The following AGPAT3 variants were observed in gnomAD, a reference collection of about 807,000 sequenced individuals.
The protein encoded by AGPAT3 is 1-acylglycerol-3-phosphate O-acyltransferase 3.
AGPAT3 carries 5 observed loss-of-function variants against 47.3 expected under a neutral mutation model. That is an observed-to-expected ratio of 0.11 (90% CI 0.06 to 0.22). AGPAT3 has a LOEUF of 0.22. AGPAT3 is among the 10% of genes least tolerant of loss of function. The probability of loss-of-function intolerance (pLI) is 1.00; values close to 1 mark genes in which losing one functional copy is unlikely to be tolerated. For missense variants in AGPAT3, 315 were observed against 493.0 expected (o/e 0.64, Z 3.42); for synonymous variants, 212 against 208.3 (o/e 1.02, Z -0.15).
intron 1 of AGPAT3, among the ~76,000 whole-genome samples, chr21:43,872,566 C>T (rs1363406470): frequency 6.6e-6 from 1 of 152,238 alleles, no homozygotes; most frequent in African/African-American, 2.4e-5. Context: ...ATTGATTTAA[C>T]AGCTGATCAC....
intron 2 of AGPAT3, among the ~76,000 whole-genome samples, chr21:43,936,309 C>A (rs1204163989): frequency 6.6e-6 from 1 of 152,250 alleles, no homozygotes; most frequent in African/African-American, 2.4e-5. Flanking sequence ...CTCAGCCTCC[C>A]CTAGCAGTGG....
chr21:43,914,927 A>G (rs1207517855), intron 2 of AGPAT3, among the ~76,000 whole-genome samples: 2 of 152,302 alleles, frequency 1.3e-5, no homozygotes, highest in East Asian at 1.9e-4. Flanking sequence ...TATCTTTTCC[A>G]TGGCCACACT....
chr21:43,981,441 G>A lies in AGPAT3; in HGVS notation c.1042+254G>A, dbSNP rs1400611976. On this transcript the variant is annotated intron_variant, in intron 9 of 9. Transcript: ENST00000291572. The surrounding 1 kb of genome is among the most constrained non-coding windows in gnomAD (Gnocchi z 5.3). ...CCCCACTGCAGCCCCACTGGCTGGC[G>A]CCCTTGAGGATGCCGACGAGAGGGT... The A allele has an allele frequency of 2.0e-5, 11 of 560,984 alleles. No individual in the cohort carries two copies. Among genetic ancestry groups the A allele is most frequent in the East Asian group, 1.8e-4 (6 of 32,938 alleles). The allele number at this position is 560,984 out of a possible 1,614,324, so 34.8% of individuals were successfully genotyped here. A position where few individuals can be genotyped will look rare whatever the true frequency, so the allele number is the denominator to read the frequency against.
chr21:43,895,091 T>C (rs1021868971), intron 1 of AGPAT3, among the ~76,000 whole-genome samples: 1 of 151,912 alleles, frequency 6.6e-6, no homozygotes, highest in Non-Finnish European at 1.5e-5. Context: ...GTTTTCGGCA[T>C]TTTATTTTAT....
intron 1 of AGPAT3, among the ~76,000 whole-genome samples, chr21:43,892,320 GAAAA>G (rs753654209): frequency 4.9e-5 from 7 of 142,870 alleles, no homozygotes; most frequent in African/African-American, 2.0e-4. Flanking sequence ...AAAAAAAAAA[GAAAA>G]AAAAAGAAAT....
At chr21:43,888,618 A>G (rs1339319530) in intron 1 of AGPAT3, among the ~76,000 whole-genome samples, 1 of 152,250 alleles carries the variant, frequency 6.6e-6, no homozygotes, top group Non-Finnish European at 1.5e-5. Flanking sequence ...CTTATATATC[A>G]GCAACAAACA....
chr21:43,946,608 A>T (rs1288693990), intron 2 of AGPAT3, among the ~76,000 whole-genome samples: 1 of 152,202 alleles, frequency 6.6e-6, no homozygotes, highest in Non-Finnish European at 1.5e-5. Flanking sequence ...TTAAAAAAAA[A>T]AAAAAAAGTG....
chr21:43,895,808 C>G (rs967557058), intron 1 of AGPAT3, among the ~76,000 whole-genome samples: 1 of 152,156 alleles, frequency 6.6e-6, no homozygotes, highest in African/African-American at 2.4e-5. Context: ...GCTCTGTTGC[C>G]TAGGCCGGAG....
intron 2 of AGPAT3, among the ~76,000 whole-genome samples, chr21:43,951,562 C>T (rs1215640841): frequency 2.0e-5 from 3 of 152,224 alleles, no homozygotes; most frequent in African/African-American, 7.2e-5. Context: ...CAGCAGGTCC[C>T]ATCCCAGCTC....
chr21:43,914,439 T>C (rs1200595233), intron 2 of AGPAT3, among the ~76,000 whole-genome samples: 2 of 152,202 alleles, frequency 1.3e-5, no homozygotes, highest in Non-Finnish European at 2.9e-5. Context: ...TTTGGTACTT[T>C]TGTTAGAGGT....
Position 43,981,054 on chromosome 21 carries a change from G to T in AGPAT3, c.909G>T (p.Arg303=). ...CAGGGGAGCAGTTTAAGCCTGCCCGGAGGCCGTGGACCCTCCTGAACTTCC... is the reference window on the plus strand; with the variant it reads ...CAGGGGAGCAGTTTAAGCCTGCCCGTAGGCCGTGGACCCTCCTGAACTTCC... ...MFPGEQFKPA[R]RPWTLLNFLS... Residue 303 remains arginine (R), a synonymous_variant, in exon 9 of 10, where the codon CGG becomes CGT. Coordinates refer to ENST00000291572, the MANE Select transcript of AGPAT3 (RefSeq NM_020132.5). This position sits in a 1 kb window ranked among gnomAD's most constrained non-coding sequence, Gnocchi z 5.3. The T allele has an allele frequency of 6.2e-7, 1 of 1,614,214 alleles. No homozygotes were observed. Among genetic ancestry groups the T allele is most frequent in the East Asian group, 2.2e-5 (1 of 44,878 alleles).
At chr21:43,946,261 A>G (rs182405598) in intron 2 of AGPAT3, among the ~76,000 whole-genome samples, 6 of 152,358 alleles carry the variant, frequency 3.9e-5, no homozygotes, top group Non-Finnish European at 5.9e-5. Context: ...AGCAGAAACC[A>G]GAATTCCACC....
chr21:43,967,412 G>A (rs1017405028), intron 3 of AGPAT3: 1 of 152,892 alleles, frequency 6.5e-6, no homozygotes, highest in Non-Finnish European at 1.5e-5. Flanking sequence ...CTTCCTGGGG[G>A]CGGGCTAGGC....
Position 43,985,530 on chromosome 21 carries a change from T to C in AGPAT3, c.*3138T>C, listed in dbSNP as rs942488031. On this transcript the variant is annotated 3_prime_UTR_variant, in exon 10 of 10. Transcript: ENST00000291572. ...TCGTTGCGGTATTGCTGAGCATTGA[T>C]GTTGATTTGAAGGAAAAGCCGTGGT... 4 of 274,156 alleles carry C rather than the reference T, an allele frequency of 1.5e-5. No individual in the cohort carries two copies. Among genetic ancestry groups the C allele is most frequent in the Non-Finnish European group, 2.9e-5 (4 of 140,054 alleles). The allele number at this position is 274,156 out of a possible 1,614,324, so 17.0% of individuals were successfully genotyped here. A position where few individuals can be genotyped will look rare whatever the true frequency, so the allele number is the denominator to read the frequency against.
chr21:43,867,273 C>T (rs927696979), intron 1 of AGPAT3: 1 of 152,242 alleles, frequency 6.6e-6, no homozygotes, highest in African/African-American at 2.4e-5. Context: ...AGGCTTACAT[C>T]CCTGGAACTC....
chr21:43,924,479 A>G (rs528526194), intron 2 of AGPAT3, among the ~76,000 whole-genome samples: 28 of 152,196 alleles, frequency 1.8e-4, no homozygotes, highest in Non-Finnish European at 3.2e-4. Flanking sequence ...CTTATCACAC[A>G]GCTCCCCAGG....
intron 2 of AGPAT3, among the ~76,000 whole-genome samples, chr21:43,951,622 C>T (rs752151176): frequency 2.6e-5 from 4 of 152,198 alleles, no homozygotes; most frequent in Non-Finnish European, 5.9e-5. Context: ...GGGGTGGGCA[C>T]TCTGTGGCGT....
intron 2 of AGPAT3, among the ~76,000 whole-genome samples, chr21:43,937,674 C>T (rs1486022571): frequency 6.6e-6 from 1 of 152,194 alleles, no homozygotes; most frequent in East Asian, 1.9e-4. Flanking sequence ...GGTGATCCTC[C>T]TGCCTCCGAA....
chr21:43,923,707 A>G (rs539806031), intron 2 of AGPAT3, among the ~76,000 whole-genome samples: 241 of 152,312 alleles, frequency 1.6e-3, no homozygotes, highest in African/African-American at 5.6e-3. Context: ...GGGTGTTACG[A>G]AGGATCCGAT....
Sources: gnomAD v4.1 joint callset for allele counts (sites outside exome capture counted in the v4.1 genomes callset) on GRCh38, gnomAD v4.1.1 for gene constraint, Gnocchi (gnomAD v3.1) non-coding constraint, MANE v1.5 for transcripts, NCBI Gene and HGNC (gene_info 2026-07-23, HGNC 2026-07-21) for gene names.